Variants in CNOT8 observed in about 807,000 individuals in gnomAD.
The protein encoded by CNOT8 is CCR4-NOT transcription complex subunit 8, also known as CAF1-like protein.
Under a neutral mutation model 34.6 loss-of-function variants are expected in CNOT8, and 18 were observed. The observed-to-expected ratio is 0.52, with a 90% confidence interval of 0.36 to 0.77. CNOT8 has a LOEUF of 0.77. CNOT8 is among the 30% of genes least tolerant of loss of function. The pLI, the probability that CNOT8 is intolerant of heterozygous loss-of-function variation, is 0.00. For synonymous variants in CNOT8, 101 were observed against 118.8 expected (o/e 0.85, Z 0.98); for missense variants, 189 against 347.9 (o/e 0.54, Z 3.63).
At chr5:154,865,075 A>G in intron 2 of CNOT8, 117 bp from the exon 3 acceptor site, 2 of 889,458 alleles carry the variant, frequency 2.2e-6, no homozygotes, top group African/African-American at 3.4e-5. Flanking sequence ...TTTGTGCCCA[A>G]GTTTGGGGCT....
chr5:154,868,847 C>T (rs538987205), intron 3 of CNOT8, among the ~76,000 whole-genome samples: 1 of 152,304 alleles, frequency 6.6e-6, no homozygotes, highest in East Asian at 1.9e-4. Context: ...CTTCCTTGGC[C>T]TGGACCACTT....
intron 1 of CNOT8, among the ~76,000 whole-genome samples, chr5:154,861,685 A>G (rs781771817): frequency 7.2e-5 from 11 of 152,080 alleles, no homozygotes; most frequent in Non-Finnish European, 1.3e-4. Flanking sequence ...TGCCTTTATG[A>G]TAAGCTCTTT....
chr5:154,869,079 A>G (rs1225092055), intron 3 of CNOT8, among the ~76,000 whole-genome samples: 2 of 151,392 alleles, frequency 1.3e-5, no homozygotes, highest in Admixed American at 6.6e-5. Flanking sequence ...AGGTCATCTT[A>G]GCTGGCTGCC....
intron 3 of CNOT8, among the ~76,000 whole-genome samples, chr5:154,869,629 T>TGTG (rs1561687824): frequency 2.7e-5 from 4 of 146,258 alleles, no homozygotes; most frequent in African/African-American, 9.9e-5. Context: ...TTTTTGTGTT[T>TGTG]TTTTTTTTTT....
intron 2 of CNOT8, 32 bp downstream of exon 2, chr5:154,863,427 G>A (rs1368501924): frequency 2.0e-6 from 3 of 1,511,934 alleles, no homozygotes; most frequent in South Asian, 2.2e-5. Context: ...CACCTTCTTT[G>A]TCACTTTTAA....
chr5:154,868,094 G>T (rs1043049276), intron 3 of CNOT8, among the ~76,000 whole-genome samples: 1 of 151,456 alleles, frequency 6.6e-6, no homozygotes, highest in Non-Finnish European at 1.5e-5. Context: ...CCACCACCAT[G>T]CCTGGATAAT....
intron 2 of CNOT8, among the ~76,000 whole-genome samples, chr5:154,863,864 A>G (rs570143623): frequency 1.3e-5 from 2 of 152,272 alleles, no homozygotes; most frequent in African/African-American, 4.8e-5. Flanking sequence ...GGATTTGACT[A>G]TACGATGTTA....
At chr5:154,873,038 G>A (rs950245714) in intron 6 of CNOT8, among the ~76,000 whole-genome samples, 1 of 152,040 alleles carries the variant, frequency 6.6e-6, no homozygotes, top group African/African-American at 2.4e-5. Context: ...CAAAGTGCTG[G>A]GATTACAGGC....
At chr5:154,866,554 A>G (rs1761896287) in intron 3 of CNOT8, among the ~76,000 whole-genome samples, 1 of 152,224 alleles carries the variant, frequency 6.6e-6, no homozygotes. Context: ...AATATAATAC[A>G]AGGAAGAAAA....
chr5:154,858,396 T>C (rs1057483405), upstream of CNOT8: 2 of 152,242 alleles, frequency 1.3e-5, no homozygotes, highest in African/African-American at 4.8e-5. Flanking sequence ...CTGTTACTTC[T>C]GCTCCTGCGC....
rs554593257 is a variant in CNOT8, at chr5:154,863,468, G to A, written c.117+73G>A. ...GGGTCTTGCTCTGTTGCCCAGGCTG[G>A]AGTGCGGTGGCTATTCACAGATGCA... On this transcript the variant is annotated intron_variant, in intron 2 of 6. Coordinates refer to ENST00000285896, the MANE Select transcript of CNOT8 (RefSeq NM_001301073.2). 1.2e-4 allele frequency: 126 copies of A among 1,065,032 alleles called. No individual in the cohort carries two copies. The African/African-American group carries it at 1.8e-3, about 15-fold the overall frequency. 66.0% of individuals were successfully genotyped at this position (1,065,032 alleles called of 1,614,324 possible). A position where few individuals can be genotyped will look rare whatever the true frequency, so the allele number is the denominator to read the frequency against.
intron 3 of CNOT8, among the ~76,000 whole-genome samples, chr5:154,866,522 C>T (rs1329429036): frequency 6.6e-6 from 1 of 152,068 alleles, no homozygotes; most frequent in Non-Finnish European, 1.5e-5. Flanking sequence ...TTGTCAAAGC[C>T]TGTAGTTTGT....
chr5:154,865,152 T>C, intron 2 of CNOT8, 40 bp from the exon 3 acceptor site: 1 of 1,457,522 alleles, frequency 6.9e-7, no homozygotes, highest in Non-Finnish European at 9.2e-7. Flanking sequence ...CATCCACTGT[T>C]TTGTGAAACC....
At chr5:154,872,411 A>AAG (rs1203726433) in intron 5 of CNOT8, 130 bp from the exon 6 acceptor site, 1 of 548,800 alleles carries the variant, frequency 1.8e-6, no homozygotes, top group African/African-American at 1.9e-5. Flanking sequence ...AGAGGTTACT[A>AAG]AGGCCTGTTA....
intron 3 of CNOT8, 140 bp downstream of exon 3, chr5:154,865,525 T>C: frequency 1.9e-6 from 1 of 539,490 alleles, no homozygotes; most frequent in Non-Finnish European, 3.1e-6. Context: ...CTGCAGCAGC[T>C]CAACAATGAA....
chr5:154,868,017 A>G (rs939660272), intron 3 of CNOT8, among the ~76,000 whole-genome samples: 9 of 152,030 alleles, frequency 5.9e-5, no homozygotes, highest in Admixed American at 4.6e-4. Context: ...GCTCACTGCA[A>G]CGTCTGCCTC....
intron 3 of CNOT8, among the ~76,000 whole-genome samples, chr5:154,868,541 T>C (rs1386765947): frequency 6.7e-6 from 1 of 148,518 alleles, no homozygotes; most frequent in East Asian, 1.9e-4. Context: ...TGGGATTACA[T>C]ACAGTTGTGA....
intron 3 of CNOT8, among the ~76,000 whole-genome samples, chr5:154,866,972 CA>C (rs141803965): frequency 0.081 from 11,849 of 146,376 alleles, 525 homozygotes; most frequent in Admixed American, 0.15. Context: ...ATAAGCAAAA[CA>C]AAAAAAAAAT....
intron 5 of CNOT8, 73 bp downstream of exon 5, chr5:154,871,947 C>T (rs77971536): frequency 3.8e-5 from 51 of 1,349,302 alleles, no homozygotes; most frequent in Middle Eastern, 2.5e-4. Context: ...TTTATTGTTA[C>T]GTGTTCAGCA....
Sources: allele counts gnomAD v4.1 joint callset (sites outside exome capture counted in the v4.1 genomes callset), GRCh38; gene constraint gnomAD v4.1.1; transcripts MANE v1.5; gene names NCBI Gene and HGNC (gene_info 2026-07-23, HGNC 2026-07-21).